Variants in MCTP1 observed in about 807,000 individuals in gnomAD.
MCTP1 encodes multiple C2 and transmembrane domain-containing protein 1.
Under a neutral mutation model 120.6 loss-of-function variants are expected in MCTP1, and 69 were observed. The ratio of observed to expected loss-of-function variants is 0.57; its 90% CI spans 0.47 to 0.70. The LOEUF (loss-of-function observed/expected upper bound fraction) is 0.70. Among genes scored for constraint, MCTP1 ranks in the 30% least tolerant of loss-of-function variants. The pLI is 0.00. For missense variants in MCTP1, 1,203 were observed against 1,248.8 expected (o/e 0.96, Z 0.55); for synonymous variants, 529 against 493.1 (o/e 1.07, Z -0.96).
intron 1 of MCTP1, among the ~76,000 whole-genome samples, chr5:95,112,352 C>G (rs952331587): frequency 3.3e-5 from 5 of 152,196 alleles, no homozygotes; most frequent in African/African-American, 1.2e-4. Context: ...GTGCTTAAAA[C>G]TTTCCATGGT....
At chr5:95,267,539 C>A (rs1759005860) in intron 1 of MCTP1, among the ~76,000 whole-genome samples, 1 of 152,194 alleles carries the variant, frequency 6.6e-6, no homozygotes, top group Non-Finnish European at 1.5e-5. Context: ...CTAGGTATTT[C>A]TATTTTTGTC....
intron 1 of MCTP1, among the ~76,000 whole-genome samples, chr5:95,108,645 G>A (rs958510400): frequency 6.6e-6 from 1 of 152,174 alleles, no homozygotes; most frequent in Non-Finnish European, 1.5e-5. Context: ...AGCTGGCCTT[G>A]CTAACAATTG....
intron 5 of MCTP1, among the ~76,000 whole-genome samples, chr5:94,932,297 C>T (rs1814950809): frequency 6.7e-6 from 1 of 149,638 alleles, no homozygotes; most frequent in Non-Finnish European, 1.5e-5. Context: ...CTCATAATTT[C>T]CAATGGCTCC....
intron 1 of MCTP1, among the ~76,000 whole-genome samples, chr5:95,172,563 G>C (rs971999126): frequency 1.3e-5 from 2 of 150,442 alleles, no homozygotes; most frequent in Admixed American, 1.3e-4. Context: ...AGGCATAGAT[G>C]AATTATTACT....
chr5:94,921,794 G>T (rs1400548537), intron 7 of MCTP1, among the ~76,000 whole-genome samples: 1 of 152,300 alleles, frequency 6.6e-6, no homozygotes, highest in Admixed American at 6.5e-5. Flanking sequence ...TCCATTGGTG[G>T]CTAACATAGC....
Position 94,894,710 on chromosome 5 carries a change from G to T in MCTP1, c.1778C>A (p.Ser593Tyr). 1 of 1,613,894 alleles carries T rather than the reference G, an allele frequency of 6.2e-7. No homozygotes were observed. Among genetic ancestry groups the T allele is most frequent in the South Asian group, 1.1e-5 (1 of 91,072 alleles). The change falls in exon 11 of 23, where the codon TCT becomes TAT. Residue 593 changes from serine (S) to tyrosine (Y), a missense_variant. Around this residue, in one of 2 missense-constraint regions of MCTP1, gnomAD observed 740 missense variants for 871.1 expected, o/e 0.85. Transcript: ENST00000515393. ...CTCCAGGGAGTTGACAGACAGGTCA[G>T]AGATGCTGACTGTGGCTGATGCTGT... is the stretch of plus-strand genomic sequence containing the variant. ...TLTASATVSISDLSVNSLEDQ... is the reference protein window; with the variant it reads ...TLTASATVSIYDLSVNSLEDQ...
At chr5:95,262,108 C>G (rs1758518213) in intron 1 of MCTP1, among the ~76,000 whole-genome samples, 1 of 152,178 alleles carries the variant, frequency 6.6e-6, no homozygotes, top group Non-Finnish European at 1.5e-5. Context: ...GTCCCAGCAG[C>G]CAGAGTATGG....
intron 1 of MCTP1, among the ~76,000 whole-genome samples, chr5:95,164,847 G>T (rs1275486412): frequency 6.6e-6 from 1 of 152,118 alleles, no homozygotes; most frequent in African/African-American, 2.4e-5. Flanking sequence ...TGTTTCTCAT[G>T]GTCTAATGTG....
chr5:95,078,879 AAC>A (rs1754246307), intron 1 of MCTP1, among the ~76,000 whole-genome samples: 1 of 152,194 alleles, frequency 6.6e-6, no homozygotes. Context: ...CTGTAAGAAA[AAC>A]AGATAGTTCA....
In MCTP1 at chr5:94,836,182, A is replaced by G. The variant is rs1179135255; in HGVS notation, c.2436+32151T>C. 2.7e-3 allele frequency among the ~76,000 whole-genome samples: 125 copies of G among 47,168 alleles called. 1 individual carries two copies. The highest frequency in any genetic ancestry group is 6.1e-3 in the Non-Finnish European group (71 of 11,684). 30.9% of individuals were successfully genotyped at this position (47,168 alleles called of 152,430 possible). On this transcript the variant is annotated intron_variant, in intron 17 of 22. Transcript: ENST00000515393. ...GCAACAGAGCAAGACTCCGTCTCAA[A>G]AAAAAAAAAAAAAAAAAAAAAAAAC...
chr5:95,071,512 A>G (rs1241335896), intron 1 of MCTP1, among the ~76,000 whole-genome samples: 2 of 152,192 alleles, frequency 1.3e-5, no homozygotes, highest in African/African-American at 2.4e-5. Flanking sequence ...TATTCTCTAT[A>G]TAATATTCTA....
intron 1 of MCTP1, among the ~76,000 whole-genome samples, chr5:95,085,605 C>A (rs2152331558): frequency 6.6e-6 from 1 of 151,848 alleles, no homozygotes; most frequent in Non-Finnish European, 1.5e-5. Context: ...AAGATGAATA[C>A]CTAGGAATGG....
intron 1 of MCTP1, among the ~76,000 whole-genome samples, chr5:95,064,843 A>G (rs1018513332): frequency 2.6e-5 from 4 of 152,232 alleles, no homozygotes; most frequent in Non-Finnish European, 2.9e-5. Context: ...TAATTTTCCA[A>G]ACTGATTTAG....
chr5:94,708,011 GC>G (rs1755243635), intron 22 of MCTP1, among the ~76,000 whole-genome samples: 1 of 150,964 alleles, frequency 6.6e-6, no homozygotes, highest in African/African-American at 2.4e-5. Flanking sequence ...TTTGAAAACA[GC>G]TGATGGTTAA....
chr5:94,949,169 C>A lies in MCTP1; in HGVS notation c.981+4050G>T, dbSNP rs570219160. Among the ~76,000 whole-genome samples, 399 of 152,134 alleles carry A rather than the reference C, an allele frequency of 2.6e-3. 3 individuals carry two copies. The highest frequency in any genetic ancestry group is 2.9e-3 in the Non-Finnish European group (196 of 67,998). On this transcript the variant is annotated intron_variant, in intron 3 of 22. Coordinates refer to ENST00000515393, the MANE Select transcript of MCTP1 (RefSeq NM_024717.7). ...AATAACAATTTATATAAATATATTC[C>A]CCTTTATGTTACTTTTATCTCTTCT... is the stretch of plus-strand genomic sequence containing the variant.
At chr5:94,714,526 G>A (rs1324623971) in intron 20 of MCTP1, among the ~76,000 whole-genome samples, 5 of 151,984 alleles carry the variant, frequency 3.3e-5, no homozygotes, top group African/African-American at 9.7e-5. Context: ...AATTTAGGAC[G>A]GTGTTATTTC....
chr5:94,854,997 G>A (rs1317884694), intron 17 of MCTP1, among the ~76,000 whole-genome samples: 1 of 151,706 alleles, frequency 6.6e-6, no homozygotes, highest in African/African-American at 2.4e-5. Context: ...GGAGATGGGT[G>A]TTTCATCATC....
intron 3 of MCTP1, among the ~76,000 whole-genome samples, chr5:94,945,590 TC>T (rs1818717778): frequency 6.6e-6 from 1 of 152,182 alleles, no homozygotes; most frequent in Non-Finnish European, 1.5e-5. Context: ...ACAGCAGTGA[TC>T]AAAACAGTCA....
intron 19 of MCTP1, among the ~76,000 whole-genome samples, chr5:94,760,710 C>G (rs1771128223): frequency 6.7e-6 from 1 of 148,870 alleles, no homozygotes; most frequent in Non-Finnish European, 1.5e-5. Context: ...TTTTTTGAGA[C>G]AGTATCACTC....
Sources: gnomAD v4.1 joint callset for allele counts (sites outside exome capture counted in the v4.1 genomes callset) on GRCh38, gnomAD v4.1.1 for gene constraint, gnomAD v4.1.1 regional missense constraint, MANE v1.5 for transcripts, NCBI Gene and HGNC (gene_info 2026-07-23, HGNC 2026-07-21) for gene names.